The following FBXO25 variants were observed in gnomAD, a reference collection of about 807,000 sequenced individuals.
FBXO25 encodes the protein F-box protein 25.
In FBXO25, 45 loss-of-function variants were observed where a neutral mutation model predicts 51.9. The observed-to-expected ratio is 0.87, with a 90% CI of 0.68 to 1.11. The LOEUF is 1.11. Ranked by LOEUF, FBXO25 falls within the 50% of genes most tolerant of loss-of-function variation. FBXO25 has a pLI of 0.00. For synonymous variants in FBXO25, 199 were observed against 151.0 expected (o/e 1.32, Z -2.33); for missense variants, 507 against 428.5 (o/e 1.18, Z -1.62).
chr8:434,592 C>T (rs1351790626), intron 4 of FBXO25, among the ~76,000 whole-genome samples: 2 of 152,186 alleles, frequency 1.3e-5, no homozygotes, highest in Non-Finnish European at 2.9e-5. Flanking sequence ...GACAAAGGTG[C>T]TATGACTCCA....
chr8:408,252 A>G lies in FBXO25; in HGVS notation c.-8+1186A>G, dbSNP rs117427427. ...ATTGGAGTTTTCTTTCCTGTGTTGT[A>G]TTCCTTGTTTTAGTGCCTTTGTATT... On this transcript the variant is annotated intron_variant, in intron 1 of 9. Transcript: ENST00000350302. Among the ~76,000 whole-genome samples, 3 of 151,902 alleles carry G rather than the reference A, an allele frequency of 2.0e-5. No individual in the cohort carries two copies. In the East Asian group the frequency reaches 5.8e-4, roughly 29 times the overall value.
chr8:409,635 T>C (rs1187400679), intron 1 of FBXO25, among the ~76,000 whole-genome samples: 2 of 151,992 alleles, frequency 1.3e-5, no homozygotes, highest in Non-Finnish European at 2.9e-5. Flanking sequence ...AGTACAATAT[T>C]TGTGTGTCAT....
rs959131286 is a variant in FBXO25, at chr8:471,908, T to G, written c.*3104T>G. The G allele has an allele frequency of 1.3e-5, 2 of 152,132 alleles. No individual in the cohort carries two copies. The highest frequency in any genetic ancestry group is 2.9e-5 in the Non-Finnish European group (2 of 68,038). 9.4% of individuals were successfully genotyped at this position (152,132 alleles called of 1,614,324 possible). ...AAAAAATTTAACCATCTGTGAACAG[T>G]TTTTTGCCTTAAGTGCTGCTTTTAG... On this transcript the variant is annotated 3_prime_UTR_variant, in exon 10 of 10. Transcript: ENST00000350302.
chr8:408,338 A>T (rs544319606), intron 1 of FBXO25, among the ~76,000 whole-genome samples: 1 of 151,592 alleles, frequency 6.6e-6, no homozygotes, highest in Non-Finnish European at 1.5e-5. Context: ...AAAAAAAAAA[A>T]GTTAAAAAGC....
At chr8:456,932 C>T (rs1443038832) in intron 7 of FBXO25, among the ~76,000 whole-genome samples, 2 of 152,170 alleles carry the variant, frequency 1.3e-5, no homozygotes, top group Non-Finnish European at 2.9e-5. Context: ...CCTCTCCCTA[C>T]GCTCCACTCT....
intron 8 of FBXO25, among the ~76,000 whole-genome samples, chr8:459,281 G>A (rs1180887060): frequency 6.6e-6 from 1 of 152,224 alleles, no homozygotes; most frequent in Non-Finnish European, 1.5e-5. Context: ...GCACCTTGAA[G>A]ACCTAGGATG....
At chr8:445,776 C>G (rs1202527054) in intron 5 of FBXO25, among the ~76,000 whole-genome samples, 1 of 152,188 alleles carries the variant, frequency 6.6e-6, no homozygotes, top group African/African-American at 2.4e-5. Context: ...GAAGCTGAGG[C>G]TAGAGAATCG....
chr8:419,695 A>G (rs1032321459), intron 2 of FBXO25, among the ~76,000 whole-genome samples: 1 of 152,214 alleles, frequency 6.6e-6, no homozygotes, highest in African/African-American at 2.4e-5. Context: ...GTAGAATGTA[A>G]AACTGTAGAA....
intron 2 of FBXO25, among the ~76,000 whole-genome samples, chr8:426,130 T>C (rs562172641): frequency 1.4e-4 from 22 of 152,268 alleles, no homozygotes; most frequent in Admixed American, 8.5e-4. Flanking sequence ...TGCCAGCAGC[T>C]CCACAGATAA....
At chr8:441,151 C>T (rs1221289196) in intron 5 of FBXO25, among the ~76,000 whole-genome samples, 1 of 151,774 alleles carries the variant, frequency 6.6e-6, no homozygotes, top group East Asian at 1.9e-4. Context: ...CAGCATGATA[C>T]TGGTACCAAA....
At chr8:410,667 C>T (rs757460115) in intron 1 of FBXO25, among the ~76,000 whole-genome samples, 3 of 152,040 alleles carry the variant, frequency 2.0e-5, no homozygotes, top group Admixed American at 6.6e-5. Context: ...AACTTTAGGT[C>T]GACTGAACAT....
In FBXO25 at chr8:473,407, G is replaced by C. The variant is rs1240699910; in HGVS notation, c.*4603G>C. ...CTCTAAACTCAGGCAGTGTATGGCT[G>C]CTGCCATTCTCGCCCTCAGCATCTG... On this transcript the variant is annotated 3_prime_UTR_variant, in exon 10 of 10. Coordinates refer to ENST00000350302, the MANE Select transcript of FBXO25 (RefSeq NM_183420.2). The C allele has an allele frequency of 2.0e-5, 3 of 152,350 alleles. No homozygotes were observed. Among genetic ancestry groups the C allele is most frequent in the Non-Finnish European group, 4.4e-5 (3 of 68,168 alleles). The allele number at this position is 152,350 out of a possible 1,614,324, so 9.4% of individuals were successfully genotyped here.
In FBXO25 at chr8:435,611, C is replaced by G. The variant is rs767057643; in HGVS notation, c.289-4C>G. 1 of 1,603,524 alleles carries G rather than the reference C, an allele frequency of 6.2e-7. No individual in the cohort carries two copies. Among genetic ancestry groups the G allele is most frequent in the East Asian group, 2.2e-5 (1 of 44,668 alleles). On this transcript the variant is annotated splice_region_variant and splice_polypyrimidine_tract_variant and intron_variant, in intron 4 of 9. Coordinates refer to ENST00000350302, the MANE Select transcript of FBXO25 (RefSeq NM_183420.2). ...TAATTTTAACTTCTGTGTTGCTTTT[C>G]CAGAGGCATGGCTATTGCACCTTGG... is the stretch of plus-strand genomic sequence containing the variant.
intron 7 of FBXO25, among the ~76,000 whole-genome samples, chr8:455,201 C>G (rs756936472): frequency 2.6e-5 from 4 of 152,166 alleles, no homozygotes; most frequent in Non-Finnish European, 4.4e-5. Context: ...AGACTCAGGG[C>G]TTTGTGGGCA....
chr8:451,559 C>G (rs1330865605), intron 7 of FBXO25, 106 bp downstream of exon 7: 16 of 1,064,412 alleles, frequency 1.5e-5, no homozygotes, highest in African/African-American at 1.3e-4. Context: ...GAAAGATTTT[C>G]TAATGCTTTC....
At chr8:423,031 G>A (rs1473924896) in intron 2 of FBXO25, among the ~76,000 whole-genome samples, 6 of 152,198 alleles carry the variant, frequency 3.9e-5, no homozygotes. Flanking sequence ...AAATCTGTTT[G>A]TGTCTTTGTG....
intron 7 of FBXO25, among the ~76,000 whole-genome samples, chr8:452,801 G>C (rs1476913231): frequency 6.6e-6 from 1 of 152,214 alleles, no homozygotes; most frequent in African/African-American, 2.4e-5. Context: ...AAGCTCCAAG[G>C]ATTGGGCCAC....
intron 9 of FBXO25, chr8:467,694 CT>C: frequency 6.2e-7 from 1 of 1,613,448 alleles, no homozygotes; most frequent in African/African-American, 1.3e-5. Context: ...GCATTCCTTC[CT>C]GATTCTTTCT....
chr8:407,330 G>T, intron 1 of FBXO25: 1 of 973,946 alleles, frequency 1.0e-6, no homozygotes, highest in Non-Finnish European at 1.2e-6. Flanking sequence ...CGCGTCAGGT[G>T]GGGACGGGAT....
Sources: gnomAD v4.1 joint callset for allele counts (sites outside exome capture counted in the v4.1 genomes callset) on GRCh38, gnomAD v4.1.1 for gene constraint, MANE v1.5 for transcripts, NCBI Gene and HGNC (gene_info 2026-07-23, HGNC 2026-07-21) for gene names.